The following DTX3L variants were observed in gnomAD, a reference collection of about 807,000 sequenced individuals.
DTX3L encodes the protein deltex E3 ubiquitin ligase 3L, also known as E3 ubiquitin-protein ligase DTX3L.
DTX3L carries 34 observed loss-of-function variants against 60.9 expected under a neutral mutation model. The observed-to-expected ratio is 0.56, with a 90% CI of 0.42 to 0.74. The LOEUF is 0.74. DTX3L is among the 30% of genes least tolerant of loss of function. The pLI is 0.00. For synonymous variants in DTX3L, 290 were observed against 316.6 expected (o/e 0.92, Z 0.89); for missense variants, 810 against 874.0 (o/e 0.93, Z 0.92).
Position 122,571,963 on chromosome 3 carries a change from C to T in DTX3L, c.*216C>T, listed in dbSNP as rs2080649339. On this transcript the variant is annotated 3_prime_UTR_variant, in exon 5 of 5. Transcript: ENST00000296161. ...CTGCTCTGTCGCTCGCGCTGGAGTG[C>T]AGTGGCATGATCTCGGCTCACTGCA... 1 of 335,818 alleles carries T rather than the reference C, an allele frequency of 3.0e-6. No individual in the cohort carries two copies. Among genetic ancestry groups the T allele is most frequent in the Non-Finnish European group, 5.7e-6 (1 of 176,870 alleles). The allele number at this position is 335,818 out of a possible 1,614,324, so 20.8% of individuals were successfully genotyped here. A position where few individuals can be genotyped will look rare whatever the true frequency, so the allele number is the denominator to read the frequency against.
At chr3:122,570,246 A>T (rs970151561) in intron 3 of DTX3L, 1 of 725,668 alleles carries the variant, frequency 1.4e-6, no homozygotes, top group African/African-American at 1.8e-5. Context: ...TGGAGATTAT[A>T]TCTTGAGATG....
intron 4 of DTX3L, 130 bp downstream of exon 4, chr3:122,570,802 G>T (rs185709888): frequency 3.1e-4 from 288 of 929,770 alleles, no homozygotes; most frequent in Non-Finnish European, 4.2e-4. Flanking sequence ...GCTGATCGGG[G>T]ATGGTAATCT....
At position 122,569,161 on chromosome 3, in the gene DTX3L, T is replaced by C; in HGVS notation, c.1072T>C (p.Ser358Pro). Residue 358 changes from serine to proline, a missense_variant, in exon 3 of 5, where the codon TCT (serine) becomes CCT (proline). By Grantham distance (74) the Ser-to-Pro change is moderately conservative (BLOSUM62 -1). Coordinates refer to ENST00000296161, the MANE Select transcript of DTX3L (RefSeq NM_138287.3). The part of the protein sequence containing the change: ...DDISAAKQKI[S>P]EAFVKIPVKL... ...CATTTCAGCTGCCAAACAAAAAATC[T>C]CTGAAGCTTTTGTCAAGATACCTGT... 2 of 1,614,196 alleles carry C rather than the reference T, an allele frequency of 1.2e-6. No homozygotes were observed. Among genetic ancestry groups the C allele is most frequent in the Non-Finnish European group, 1.7e-6 (2 of 1,180,020 alleles).
At position 122,575,196 on chromosome 3, in the gene DTX3L, G is replaced by A. The variant is rs1004162949; in HGVS notation, c.*3449G>A. 4 of 152,080 alleles carry A rather than the reference G, an allele frequency of 2.6e-5. No homozygotes were observed. Among genetic ancestry groups the A allele is most frequent in the African/African-American group, 7.2e-5 (3 of 41,398 alleles). 9.4% of individuals were successfully genotyped at this position (152,080 alleles called of 1,614,324 possible). On this transcript the variant is annotated 3_prime_UTR_variant, in exon 5 of 5. Coordinates refer to ENST00000296161, the MANE Select transcript of DTX3L (RefSeq NM_138287.3). Reference sequence around the variant, plus strand: ...CTGCTTTAAATAAAGTTAAAGATTTGGAACAAATTGTGTTCTTTCCCTTGC... The same window carrying A: ...CTGCTTTAAATAAAGTTAAAGATTTAGAACAAATTGTGTTCTTTCCCTTGC...
Position 122,573,462 on chromosome 3 carries a change from T to C in DTX3L, c.*1715T>C, listed in dbSNP as rs560333529. 5.8e-4 allele frequency: 89 copies of C among 152,320 alleles called. No individual in the cohort carries two copies. The highest frequency in any genetic ancestry group is 2.1e-3 in the African/African-American group (87 of 41,566). The allele number at this position is 152,320 out of a possible 1,614,324, so 9.4% of individuals were successfully genotyped here. A position where few individuals can be genotyped will look rare whatever the true frequency, so the allele number is the denominator to read the frequency against. The stretch of plus-strand genomic sequence containing the variant: ...TGCTACTAATTTGGAAAACTGAGCT[T>C]CTTTCTTTCATTGCTTTTTCCCTTA... On this transcript the variant is annotated 3_prime_UTR_variant, in exon 5 of 5. Coordinates refer to ENST00000296161, the MANE Select transcript of DTX3L (RefSeq NM_138287.3).
In DTX3L at chr3:122,569,752, A is replaced by G. The variant is rs2080631568; in HGVS notation, c.1663A>G (p.Lys555Glu). Residue 555 changes from lysine (K) to glutamate (E), a missense_variant, in exon 3 of 5, where the codon AAG becomes GAG. Physicochemically the swap from Lys to Glu is moderately conservative, Grantham distance 56 (BLOSUM62 1). Coordinates refer to ENST00000296161, the MANE Select transcript of DTX3L (RefSeq NM_138287.3). ...SVSSEASELD[K>E]KEKGICVICM... is the part of the protein sequence containing the mutation. ...GAGTTCTGAGGCCTCAGAACTGGACAAGAAGGAAAAGGGCATCTGTGTCAT... is the reference window on the plus strand; with the variant it reads ...GAGTTCTGAGGCCTCAGAACTGGACGAGAAGGAAAAGGGCATCTGTGTCAT... The G allele has an allele frequency of 6.2e-7, 1 of 1,614,140 alleles. No individual in the cohort carries two copies. The highest frequency in any genetic ancestry group is 8.5e-7 in the Non-Finnish European group (1 of 1,180,008).
At chr3:122,566,455 C>T (rs1390047852) in intron 2 of DTX3L, among the ~76,000 whole-genome samples, 1 of 152,058 alleles carries the variant, frequency 6.6e-6, no homozygotes, top group Non-Finnish European at 1.5e-5. Flanking sequence ...CAGAGTTGAC[C>T]TCCTGGGCTC....
rs2080629979 is a variant in DTX3L, at chr3:122,569,602, T to C, written c.1513T>C (p.Tyr505His). 6.2e-7 allele frequency: 1 copy of C among 1,614,162 alleles called. No individual in the cohort carries two copies. The highest frequency in any genetic ancestry group is 8.5e-7 in the Non-Finnish European group (1 of 1,180,032). Residue 505 changes from tyrosine (Y) to histidine (H), a missense_variant, in exon 3 of 5, where the codon TAT becomes CAT. Tyr to His is a moderately conservative substitution (Grantham distance 83, BLOSUM62 2). Coordinates refer to ENST00000296161, the MANE Select transcript of DTX3L (RefSeq NM_138287.3). ...AAATCACCTTGCAAAGGCGAAGCAG[T>C]ATGTTCTAAAAGGAGGAGGAATGTC... is the stretch of plus-strand genomic sequence containing the variant. ...LPNHLAKAKQYVLKGGGMSSL... is the reference protein window; with the variant it reads ...LPNHLAKAKQHVLKGGGMSSL...
intron 2 of DTX3L, among the ~76,000 whole-genome samples, chr3:122,567,985 A>G (rs1360278812): frequency 2.0e-5 from 3 of 152,076 alleles, no homozygotes; most frequent in Admixed American, 6.6e-5. Flanking sequence ...AGGGCTGAGA[A>G]CCTCTGGGAT....
chr3:122,568,483 T>C lies in DTX3L; in HGVS notation c.400-6T>C, dbSNP rs990844350. Reference sequence around the variant, plus strand: ...TTATTTGTTCCTGTTCCTTTTAAAATTTCAGATCTTTCTTACTGTAACAGC... The same window carrying C: ...TTATTTGTTCCTGTTCCTTTTAAAACTTCAGATCTTTCTTACTGTAACAGC... On this transcript the variant is annotated splice_region_variant and splice_polypyrimidine_tract_variant and intron_variant, in intron 2 of 4. Coordinates refer to ENST00000296161, the MANE Select transcript of DTX3L (RefSeq NM_138287.3). 42 of 1,583,934 alleles carry C rather than the reference T, an allele frequency of 2.7e-5. No individual in the cohort carries two copies. Among genetic ancestry groups the C allele is most frequent in the Non-Finnish European group, 3.4e-5 (40 of 1,167,106 alleles).
Position 122,569,905 on chromosome 3 carries a change from C to A in DTX3L, c.1816C>A (p.Gln606Lys). ...CPTCQTSYGI[Q>K]KGNQPEGSMV... Reference sequence around the variant, plus strand: ...CACATGCCAGACTTCCTATGGTATTCAGAAAGGAAATCAGCCAGAGGGAAG... The same window carrying A: ...CACATGCCAGACTTCCTATGGTATTAAGAAAGGAAATCAGCCAGAGGGAAG... The change falls in exon 3 of 5, where the codon CAG becomes AAG. Residue 606 changes from glutamine (Q) to lysine (K), a missense_variant. By Grantham distance (53) the Gln-to-Lys change is moderately conservative (BLOSUM62 1). Transcript: ENST00000296161. 1 of 1,614,098 alleles carries A rather than the reference C, an allele frequency of 6.2e-7. No homozygotes were observed. Among genetic ancestry groups the A allele is most frequent in the Non-Finnish European group, 8.5e-7 (1 of 1,180,012 alleles).
chr3:122,569,159 T>C lies in DTX3L; in HGVS notation c.1070T>C (p.Ile357Thr). The change falls in exon 3 of 5, where the codon ATC (isoleucine) becomes ACC (threonine). Residue 357 changes from isoleucine (I) to threonine (T), a missense_variant. Transcript: ENST00000296161. ...QDDISAAKQK[I>T]SEAFVKIPVK... The stretch of plus-strand genomic sequence containing the variant: ...GACATTTCAGCTGCCAAACAAAAAA[T>C]CTCTGAAGCTTTTGTCAAGATACCT... 6.2e-7 allele frequency: 1 copy of C among 1,614,192 alleles called. No individual in the cohort carries two copies. The highest frequency in any genetic ancestry group is 8.5e-7 in the Non-Finnish European group (1 of 1,180,040).
In DTX3L at chr3:122,570,456, A is replaced by G. The variant is rs199508997; in HGVS notation, c.1937A>G (p.Glu646Gly). 6 of 1,614,058 alleles carry G rather than the reference A, an allele frequency of 3.7e-6. No individual in the cohort carries two copies. In the East Asian group the frequency reaches 1.3e-4, roughly 36 times the overall value. ...TYSMKAGIQTEEHPNPGKRYP... is the reference protein window; with the variant it reads ...TYSMKAGIQTGEHPNPGKRYP... Reference sequence around the variant, plus strand: ...TGACATTTTCTTGTTCTCACACAGGAAGAACACCCAAACCCAGGAAAGAGA... The same window carrying G: ...TGACATTTTCTTGTTCTCACACAGGGAGAACACCCAAACCCAGGAAAGAGA... Residue 646 changes from glutamate (E) to glycine (G), a missense_variant and splice_region_variant, in exon 4 of 5, where the codon GAA (glutamate) becomes GGA (glycine). Transcript: ENST00000296161.
rs552890658 is a variant in DTX3L at position 122,571,960 on chromosome 3, G to C, written c.*213G>C. On this transcript the variant is annotated 3_prime_UTR_variant, in exon 5 of 5. Transcript: ENST00000296161. The stretch of plus-strand genomic sequence containing the variant: ...AGTCTGCTCTGTCGCTCGCGCTGGA[G>C]TGCAGTGGCATGATCTCGGCTCACT... The C allele has an allele frequency of 8.6e-6, 3 of 348,102 alleles. No individual in the cohort carries two copies. The highest frequency in any genetic ancestry group is 1.6e-5 in the Non-Finnish European group (3 of 183,966). 21.6% of individuals were successfully genotyped at this position (348,102 alleles called of 1,614,324 possible).
Position 122,564,463 on chromosome 3 carries a change from G to C in DTX3L, c.37G>C (p.Val13Leu), listed in dbSNP as rs1231224681. The C allele has an allele frequency of 6.2e-7, 1 of 1,612,254 alleles. No homozygotes were observed. The highest frequency in any genetic ancestry group is 8.5e-7 in the Non-Finnish European group (1 of 1,179,294). The change falls in exon 1 of 5, where the codon GTG (valine) becomes CTG (leucine). Residue 13 changes from valine (V) to leucine (L), a missense_variant. Val to Leu is a conservative substitution (Grantham distance 32). Coordinates refer to ENST00000296161, the MANE Select transcript of DTX3L (RefSeq NM_138287.3). ...SHLRPPSPLL[V>L]RVYKSGPRVR... ...CCTGCGCCCGCCGTCCCCGCTCCTC[G>C]TGCGGGTGTACAAGTCCGGCCCCCG...
intron 2 of DTX3L, among the ~76,000 whole-genome samples, chr3:122,567,745 G>T (rs906531122): frequency 1.3e-5 from 2 of 152,122 alleles, no homozygotes; most frequent in African/African-American, 4.8e-5. Context: ...TTTTGTGAGG[G>T]CCACAACAAC....
chr3:122,566,987 A>G (rs1005807712), intron 2 of DTX3L, among the ~76,000 whole-genome samples: 2 of 152,214 alleles, frequency 1.3e-5, no homozygotes, highest in Non-Finnish European at 2.9e-5. Flanking sequence ...GAAAAACCTC[A>G]AGTGAGGTGA....
chr3:122,565,300 C>G (rs945570746), intron 1 of DTX3L, among the ~76,000 whole-genome samples: 2 of 151,858 alleles, frequency 1.3e-5, no homozygotes, highest in East Asian at 3.9e-4. Flanking sequence ...TCACCTGAGG[C>G]CAGGAGTTCG....
rs1388787126 is a variant in DTX3L at position 122,569,645 on chromosome 3, A to G, written c.1556A>G (p.Lys519Arg). The stretch of plus-strand genomic sequence containing the variant: ...GGAATGTCTTCATTGGCTGGAAAGA[A>G]ATTGAAAGAGGGTCATGAAACACCG... ...GGGMSSLAGK[K>R]LKEGHETPMD... is the part of the protein sequence containing the mutation. The change falls in exon 3 of 5, where the codon AAA becomes AGA. Residue 519 changes from lysine to arginine, a missense_variant. Lys to Arg is a conservative substitution (Grantham distance 26). Coordinates refer to ENST00000296161, the MANE Select transcript of DTX3L (RefSeq NM_138287.3). The G allele has an allele frequency of 6.2e-7, 1 of 1,614,238 alleles. No homozygotes were observed. The highest frequency in any genetic ancestry group is 1.1e-5 in the South Asian group (1 of 91,088).
Sources: allele counts gnomAD v4.1 joint callset (sites outside exome capture counted in the v4.1 genomes callset), GRCh38; gene constraint gnomAD v4.1.1; transcripts MANE v1.5; gene names NCBI Gene and HGNC (gene_info 2026-07-23, HGNC 2026-07-21).